The following PITPNC1 variants were observed in gnomAD, a reference collection of about 807,000 sequenced individuals.
The protein encoded by PITPNC1 is phosphatidylinositol transfer protein cytoplasmic 1, also known as cytoplasmic phosphatidylinositol transfer protein 1.
Under a neutral mutation model 44.7 loss-of-function variants are expected in PITPNC1, and 18 were observed. That is an observed-to-expected ratio of 0.40 (90% CI 0.28 to 0.60). The LOEUF (loss-of-function observed/expected upper bound fraction) is 0.60, where lower values mean the gene tolerates loss of function less well. Among genes scored for constraint, PITPNC1 ranks in the 20% least tolerant of loss-of-function variants. The pLI is 0.39. For missense variants in PITPNC1, 290 were observed against 418.4 expected (o/e 0.69, Z 2.68); for synonymous variants, 141 against 149.6 (o/e 0.94, Z 0.42).
chr17:67,573,019 T>C (rs554875135), intron 4 of PITPNC1, among the ~76,000 whole-genome samples: 9 of 152,322 alleles, frequency 5.9e-5, no homozygotes, highest in African/African-American at 2.2e-4. Context: ...GCCAACACCT[T>C]GGTTTCAGGC....
rs374106873 is a variant in PITPNC1 at position 67,692,869 on chromosome 17, G to A, written c.980G>A (p.Cys327Tyr). 4.4e-6 allele frequency: 7 copies of A among 1,604,952 alleles called. No homozygotes were observed. Among genetic ancestry groups the A allele is most frequent in the Non-Finnish European group, 5.1e-6 (6 of 1,172,514 alleles). Residue 327 changes from cysteine (C) to tyrosine (Y), a missense_variant, in exon 9 of 9, where the codon TGT becomes TAT. Physicochemically the swap from Cys to Tyr is radical, Grantham distance 194. Transcript: ENST00000581322. ...LPGMHSSDKP[C>Y]RPKSE ...GGCATGCACTCTTCAGATAAGCCAT[G>A]TCGGCCCAAATCTGAGTAACTTTAT...
chr17:67,612,825 AG>A (rs2041705692), intron 5 of PITPNC1: 1 of 152,474 alleles, frequency 6.6e-6, no homozygotes. Flanking sequence ...TCTATCAGGA[AG>A]GTGGATTTGT....
At position 67,597,180 on chromosome 17, in the gene PITPNC1, C is replaced by A. The variant is rs2041470552; in HGVS notation, c.366+18923C>A. On this transcript the variant is annotated intron_variant, in intron 5 of 8. Transcript: ENST00000581322. The surrounding 1 kb of genome is among the most constrained non-coding windows in gnomAD (Gnocchi z 4.0). ...AACTGCTGGGATTATAGGCATGAGC[C>A]ACCATGCCTGGCCCCAAATAATTTA... is the stretch of plus-strand genomic sequence containing the variant. Among the ~76,000 whole-genome samples, 1 of 152,136 alleles carries A rather than the reference C, an allele frequency of 6.6e-6. No homozygotes were observed. The highest frequency in any genetic ancestry group is 2.4e-5 in the African/African-American group (1 of 41,422).
intron 8 of PITPNC1, among the ~76,000 whole-genome samples, chr17:67,683,725 C>T (rs1324238253): frequency 6.6e-6 from 1 of 152,024 alleles, no homozygotes; most frequent in African/African-American, 2.4e-5. Context: ...CACCTGTAAT[C>T]CCAGCACTTT....
chr17:67,568,858 T>C (rs2041015794), intron 4 of PITPNC1, among the ~76,000 whole-genome samples: 1 of 152,194 alleles, frequency 6.6e-6, no homozygotes, highest in African/African-American at 2.4e-5. Flanking sequence ...TCTTTTACAT[T>C]GTAAAGTGGG....
At chr17:67,522,114 G>A (rs1376572545) in intron 1 of PITPNC1, among the ~76,000 whole-genome samples, 2 of 152,116 alleles carry the variant, frequency 1.3e-5, no homozygotes, top group African/African-American at 4.8e-5. Flanking sequence ...GACCAGCCTG[G>A]CCAACATGGT....
Position 67,530,722 on chromosome 17 carries a change from C to A in PITPNC1, c.49-2080C>A, listed in dbSNP as rs116953143. ...ATGTAAACATTTATTTTTTGAGCCC[C>A]AAGTACAAAGCAACTGTCAGTGAAA... On this transcript the variant is annotated intron_variant, in intron 1 of 8. Coordinates refer to ENST00000581322, the MANE Select transcript of PITPNC1 (RefSeq NM_012417.4). Among the ~76,000 whole-genome samples, 394 of 152,232 alleles carry A rather than the reference C, an allele frequency of 2.6e-3. 1 individual carries two copies. Among genetic ancestry groups the A allele is most frequent in the Non-Finnish European group, 4.2e-3 (284 of 67,998 alleles).
Position 67,597,720 on chromosome 17 carries a change from C to T in PITPNC1, c.366+19463C>T, listed in dbSNP as rs1474589955. The stretch of plus-strand genomic sequence containing the variant: ...AAACATTTGTTAAACATCTATTCGG[C>T]ACCAGGGGTTGTTAGGCTGGTGGAA... On this transcript the variant is annotated intron_variant, in intron 5 of 8. Coordinates refer to ENST00000581322, the MANE Select transcript of PITPNC1 (RefSeq NM_012417.4). The surrounding 1 kb of genome is among the most constrained non-coding windows in gnomAD (Gnocchi z 4.0). 6.6e-6 allele frequency among the ~76,000 whole-genome samples: 1 copy of T among 152,158 alleles called. No individual in the cohort carries two copies. The highest frequency in any genetic ancestry group is 1.5e-5 in the Non-Finnish European group (1 of 68,032).
At chr17:67,581,709 C>A (rs1206592853) in intron 5 of PITPNC1, among the ~76,000 whole-genome samples, 1 of 152,132 alleles carries the variant, frequency 6.6e-6, no homozygotes, top group African/African-American at 2.4e-5. Context: ...GGTTGTCCAG[C>A]AGATTCAAAG....
chr17:67,586,035 C>A (rs1475511345), intron 5 of PITPNC1, among the ~76,000 whole-genome samples: 1 of 152,130 alleles, frequency 6.6e-6, no homozygotes. Flanking sequence ...GGAGCAAAGG[C>A]CCTGGACCCT....
In PITPNC1 at chr17:67,487,973, T is replaced by G. The variant is rs536289716; in HGVS notation, c.49-44829T>G. Reference sequence around the variant, plus strand: ...AAGCTACGATTTTTTCTTTTCTGTCTGTCACAGAGGTGTCAGTAAAGGAGA... The same window carrying G: ...AAGCTACGATTTTTTCTTTTCTGTCGGTCACAGAGGTGTCAGTAAAGGAGA... On this transcript the variant is annotated intron_variant, in intron 1 of 8. Coordinates refer to ENST00000581322, the MANE Select transcript of PITPNC1 (RefSeq NM_012417.4). 2.6e-5 allele frequency among the ~76,000 whole-genome samples: 4 copies of G among 152,310 alleles called. No individual in the cohort carries two copies. In the East Asian group the frequency reaches 7.7e-4, roughly 29 times the overall value.
At chr17:67,386,485 G>C (rs1410295332) in intron 1 of PITPNC1, among the ~76,000 whole-genome samples, 1 of 152,170 alleles carries the variant, frequency 6.6e-6, no homozygotes, top group Admixed American at 6.5e-5. Context: ...GAGCCACTGC[G>C]CCCCGCCTAA....
At chr17:67,637,408 A>G (rs975503960) in intron 6 of PITPNC1, among the ~76,000 whole-genome samples, 1 of 152,082 alleles carries the variant, frequency 6.6e-6, no homozygotes. Context: ...CCGGATGCTG[A>G]TGGGCCGAAT....
chr17:67,475,503 A>G (rs2039613207), intron 1 of PITPNC1, among the ~76,000 whole-genome samples: 1 of 152,162 alleles, frequency 6.6e-6, no homozygotes, highest in Non-Finnish European at 1.5e-5. Context: ...AGACACTGCC[A>G]TTTCAAACAT....
intron 5 of PITPNC1, among the ~76,000 whole-genome samples, chr17:67,624,230 T>TCC (rs398031394): frequency 4.1e-5 from 6 of 147,202 alleles, no homozygotes; most frequent in African/African-American, 1.0e-4. Context: ...TTTTTTTTTT[T>TCC]CCTCAGGGTT....
At chr17:67,668,624 G>A (rs1311451067) in intron 6 of PITPNC1, among the ~76,000 whole-genome samples, 7 of 152,124 alleles carry the variant, frequency 4.6e-5, no homozygotes, top group African/African-American at 7.2e-5. Flanking sequence ...AGCACTTTGG[G>A]AGGCCGAGGC....
chr17:67,415,394 C>T (rs904821140), intron 1 of PITPNC1, among the ~76,000 whole-genome samples: 5 of 152,188 alleles, frequency 3.3e-5, no homozygotes, highest in African/African-American at 9.7e-5. Flanking sequence ...ACAAGACGCA[C>T]GTCATCGTCT....
chr17:67,552,805 CAA>C (rs10601654), intron 3 of PITPNC1, among the ~76,000 whole-genome samples: 6,272 of 63,230 alleles, frequency 0.099, 176 homozygotes, highest in African/African-American at 0.17. Flanking sequence ...GAGACTCCGT[CAA>C]AAAAAAAAAA....
At chr17:67,538,324 G>A (rs377548196) in intron 2 of PITPNC1, among the ~76,000 whole-genome samples, 26 of 152,294 alleles carry the variant, frequency 1.7e-4, no homozygotes, top group African/African-American at 5.5e-4. Context: ...CCATGGCTGG[G>A]CGTGGTGGCT....
Sources: allele counts gnomAD v4.1 joint callset (sites outside exome capture counted in the v4.1 genomes callset), GRCh38; gene constraint gnomAD v4.1.1; non-coding constraint Gnocchi (gnomAD v3.1); transcripts MANE v1.5; gene names NCBI Gene and HGNC (gene_info 2026-07-23, HGNC 2026-07-21).